The following ARHGAP18 variants were observed in gnomAD, a reference collection of about 807,000 sequenced individuals.
ARHGAP18 encodes Rho GTPase activating protein 18.
ARHGAP18 carries 67 observed loss-of-function variants against 86.2 expected under a neutral mutation model. That is an observed-to-expected ratio of 0.78 (90% CI 0.64 to 0.95). The LOEUF is 0.95. ARHGAP18 is among the 40% of genes least tolerant of loss of function. ARHGAP18 has a pLI of 0.00. For missense variants in ARHGAP18, 691 were observed against 780.4 expected, an observed-to-expected ratio of 0.89 and a Z score of 1.37; for synonymous variants, 283 against 280.4, an observed-to-expected ratio of 1.01 and a Z score of -0.09.
At chr6:129,693,894 C>T (rs543162793) in intron 1 of ARHGAP18, among the ~76,000 whole-genome samples, 1 of 143,892 alleles carries the variant, frequency 6.9e-6, no homozygotes, top group Non-Finnish European at 1.6e-5. Flanking sequence ...TACAATTTGC[C>T]CCAGTTATAC....
At chr6:129,664,139 T>C (rs1400443339) in intron 1 of ARHGAP18, among the ~76,000 whole-genome samples, 5 of 152,194 alleles carry the variant, frequency 3.3e-5, no homozygotes, top group African/African-American at 1.2e-4. Context: ...TGCGTTAATA[T>C]TATGGGATTA....
intron 2 of ARHGAP18, among the ~76,000 whole-genome samples, chr6:129,639,384 A>T (rs2114497363): frequency 6.6e-6 from 1 of 152,328 alleles, no homozygotes; most frequent in East Asian, 1.9e-4. Context: ...GAGGAAAATA[A>T]AAGCGATGAA....
chr6:129,578,725 A>G, intron 14 of ARHGAP18, 121 bp from the exon 15 acceptor site: 2 of 746,588 alleles, frequency 2.7e-6, no homozygotes, highest in Non-Finnish European at 2.1e-6. Context: ...CTACTTTGGG[A>G]GGCCGAGGTG....
rs773208947 is a variant in ARHGAP18 at position 129,710,060 on chromosome 6, T to C, written c.77A>G (p.Asn26Ser). The change falls in exon 1 of 15, where the codon AAC becomes AGC. Residue 26 changes from asparagine to serine, a missense_variant. By Grantham distance (46) the Asn-to-Ser change is conservative. Coordinates refer to ENST00000368149, the MANE Select transcript of ARHGAP18 (RefSeq NM_033515.3). Reference protein sequence around the residue: ...HPSGKDQTVGNSHAKAGEEAT... With the variant: ...HPSGKDQTVGSSHAKAGEEAT... ...TTCCTCCCCTGCCTTTGCATGGCTG[T>C]TCCCGACGGTCTGGTCCTTGCCGCT... 12 of 1,614,028 alleles carry C rather than the reference T, an allele frequency of 7.4e-6. No homozygotes were observed. The highest frequency in any genetic ancestry group is 7.6e-6 in the Non-Finnish European group (9 of 1,179,968).
At chr6:129,628,863 C>T (rs968430903) in intron 5 of ARHGAP18, among the ~76,000 whole-genome samples, 4 of 151,882 alleles carry the variant, frequency 2.6e-5, no homozygotes, top group African/African-American at 7.3e-5. Flanking sequence ...TTGTGACAAT[C>T]GGGGAAGTTT....
chr6:129,608,102 G>A, intron 8 of ARHGAP18, 50 bp from the exon 9 acceptor site: 2 of 1,491,356 alleles, frequency 1.3e-6, no homozygotes, highest in Non-Finnish European at 1.8e-6. Flanking sequence ...AGCTAGAAGT[G>A]CATTTTTTTT....
intron 1 of ARHGAP18, chr6:129,661,728 G>GT (rs1336785777): frequency 3.3e-5 from 9 of 272,992 alleles, no homozygotes; most frequent in Non-Finnish European, 5.0e-5. Flanking sequence ...TGGCAGCAAG[G>GT]TGAGATTCAT....
chr6:129,679,825 A>C (rs150420018), intron 1 of ARHGAP18, among the ~76,000 whole-genome samples: 1 of 152,300 alleles, frequency 6.6e-6, no homozygotes, highest in East Asian at 1.9e-4. Context: ...TCTATTCTCT[A>C]AAAGTCTGGA....
At chr6:129,587,770 C>T (rs1275278936) in intron 12 of ARHGAP18, among the ~76,000 whole-genome samples, 2 of 152,180 alleles carry the variant, frequency 1.3e-5, no homozygotes, top group Non-Finnish European at 2.9e-5. Context: ...AACTAGAATT[C>T]AAGATGAGAT....
rs1774276924 is a variant in ARHGAP18, at chr6:129,678,767, A to G, written c.113+31257T>C. ...TAAATTTAAAACTTCAAATATAGAC[A>G]TAAGATTTACATGTATTCATTAACC... On this transcript the variant is annotated intron_variant, in intron 1 of 14. Transcript: ENST00000368149. Among the ~76,000 whole-genome samples the G allele has an allele frequency of 7.2e-5, 11 of 152,368 alleles. No homozygotes were observed. The South Asian group carries it at 2.1e-3, about 29-fold the overall frequency.
At chr6:129,624,995 AT>A (rs1789316033) in intron 5 of ARHGAP18, among the ~76,000 whole-genome samples, 1 of 109,418 alleles carries the variant, frequency 9.1e-6, no homozygotes, top group Non-Finnish European at 1.9e-5. Flanking sequence ...TATATTATAT[AT>A]GATATATATT....
intron 1 of ARHGAP18, among the ~76,000 whole-genome samples, chr6:129,663,136 C>T (rs2114520813): frequency 6.6e-6 from 1 of 152,272 alleles, no homozygotes; most frequent in Admixed American, 6.5e-5. Context: ...ATGCTCAAGA[C>T]TCTGTATGAT....
chr6:129,584,067 A>G lies in ARHGAP18; in HGVS notation c.1759T>C (p.Ser587Pro). 1 of 1,613,806 alleles carries G rather than the reference A, an allele frequency of 6.2e-7. No individual in the cohort carries two copies. Among genetic ancestry groups the G allele is most frequent in the Non-Finnish European group, 8.5e-7 (1 of 1,179,814 alleles). The change falls in exon 13 of 15, where the codon TCG becomes CCG. Residue 587 changes from serine (S) to proline (P), a missense_variant. By Grantham distance (74) the Ser-to-Pro change is moderately conservative. Coordinates refer to ENST00000368149, the MANE Select transcript of ARHGAP18 (RefSeq NM_033515.3). Reference protein sequence around the residue: ...GVIRVQAPHLSKVSMAIQLTE... With the variant: ...GVIRVQAPHLPKVSMAIQLTE... ...AGCTGTATTGCCATGGAAACTTTCG[A>G]AAGATGGGGAGCTTGCACTCGAATC...
At chr6:129,618,647 T>C in intron 6 of ARHGAP18, 40 bp downstream of exon 6, 1 of 1,538,032 alleles carries the variant, frequency 6.5e-7, no homozygotes, top group Non-Finnish European at 8.8e-7. Context: ...ATCCTTGCTA[T>C]TTTAGAAATA....
chr6:129,709,956 T>G, intron 1 of ARHGAP18, 68 bp downstream of exon 1: 1 of 1,325,456 alleles, frequency 7.5e-7, no homozygotes, highest in Non-Finnish European at 1.1e-6. Flanking sequence ...CCACGCCAAC[T>G]TCCCTGTCAC....
intron 13 of ARHGAP18, among the ~76,000 whole-genome samples, chr6:129,581,049 A>C (rs993137331): frequency 6.6e-6 from 1 of 152,218 alleles, no homozygotes; most frequent in Non-Finnish European, 1.5e-5. Context: ...TAACTGGTCT[A>C]GGATAAAGCC....
At chr6:129,675,035 C>CTGAG (rs1774206265) in intron 1 of ARHGAP18, among the ~76,000 whole-genome samples, 2 of 152,220 alleles carry the variant, frequency 1.3e-5, no homozygotes, top group Admixed American at 1.3e-4. Context: ...CTTACACTTA[C>CTGAG]TGAGCTCTTA....
chr6:129,668,541 GAC>G lies in ARHGAP18; in HGVS notation c.114-26525_114-26524del, dbSNP rs759572858. ...CCCGATTCTTCAGCCTGATGTTCAA[GAC>G]TCTATGAGCTCTGCCCAGCTTTTCT... is the stretch of plus-strand genomic sequence containing the variant. On this transcript the variant is annotated intron_variant, in intron 1 of 14. Coordinates refer to ENST00000368149, the MANE Select transcript of ARHGAP18 (RefSeq NM_033515.3). 2.0e-5 allele frequency among the ~76,000 whole-genome samples: 3 copies of G among 152,176 alleles called. 1 individual carries two copies. The highest frequency in any genetic ancestry group is 3.8e-4 in the East Asian group (2 of 5,202).
At chr6:129,648,072 C>T (rs942585898) in intron 1 of ARHGAP18, among the ~76,000 whole-genome samples, 3 of 152,160 alleles carry the variant, frequency 2.0e-5, no homozygotes, top group South Asian at 2.1e-4. Flanking sequence ...TTTCAAATGA[C>T]CATTACATTT....
Sources: allele counts gnomAD v4.1 joint callset (sites outside exome capture counted in the v4.1 genomes callset), GRCh38; gene constraint gnomAD v4.1.1; transcripts MANE v1.5; gene names NCBI Gene and HGNC (gene_info 2026-07-23, HGNC 2026-07-21).